MMP26: variants seen among roughly 807,000 people sequenced by gnomAD.
The protein encoded by MMP26 is matrix metalloproteinase-26.
In MMP26, 33 loss-of-function variants were observed where a neutral mutation model predicts 31.0. The observed-to-expected ratio is 1.06, with a 90% confidence interval of 0.81 to 1.42. MMP26 has a LOEUF of 1.42. MMP26 is among the 40% of genes most tolerant of loss of function. The pLI is 0.00. For missense variants in MMP26, 347 were observed against 316.1 expected (o/e 1.10, Z -0.74); for synonymous variants, 122 against 114.9 (o/e 1.06, Z -0.40).
chr11:4,950,753 TA>T lies in MMP26; in HGVS notation c.-144-37309del, dbSNP rs1369306202. Among the ~76,000 whole-genome samples the T allele has an allele frequency of 1.6e-5, 2 of 122,746 alleles. 1 individual carries two copies. Among genetic ancestry groups the T allele is most frequent in the East Asian group, 4.5e-4 (2 of 4,426 alleles). 80.5% of individuals were successfully genotyped at this position (122,746 alleles called of 152,430 possible). ...CTGCAAATGAATAAGTAAAATTCAG[TA>T]AAAAATAGGCAATGCACTTGACTTG... On this transcript the variant is annotated intron_variant, in intron 2 of 7. Transcript: ENST00000380390.
intron 2 of MMP26, among the ~76,000 whole-genome samples, chr11:4,965,365 T>C (rs1278673261): frequency 2.6e-5 from 4 of 152,198 alleles, no homozygotes; most frequent in African/African-American, 7.2e-5. Context: ...AGCAATTTGA[T>C]GAAGAGAGTT....
chr11:4,855,072 C>G (rs1031264394), intron 2 of MMP26, among the ~76,000 whole-genome samples: 1 of 152,272 alleles, frequency 6.6e-6, no homozygotes. Context: ...AGGTCACCAT[C>G]ATGAAAGACC....
chr11:4,973,721 G>T, intron 2 of MMP26: 1 of 175,884 alleles, frequency 5.7e-6, no homozygotes. Context: ...ATGCAAAGAA[G>T]GCTCTGTTTT....
intron 2 of MMP26, among the ~76,000 whole-genome samples, chr11:4,808,782 A>G (rs1212325392): frequency 6.7e-6 from 1 of 149,394 alleles, no homozygotes; most frequent in African/African-American, 2.5e-5. Context: ...TTGGTGGACA[A>G]TGGAGGAGCA....
intron 2 of MMP26, among the ~76,000 whole-genome samples, chr11:4,965,605 C>T (rs75764060): frequency 0.017 from 2,638 of 152,188 alleles, 74 homozygotes; most frequent in African/African-American, 0.06. Flanking sequence ...AGAAAGACTA[C>T]AGGGAAAAGT....
chr11:4,921,813 A>G (rs1163703442), intron 2 of MMP26, among the ~76,000 whole-genome samples: 2 of 152,300 alleles, frequency 1.3e-5, no homozygotes, highest in Middle Eastern at 3.4e-3. Flanking sequence ...ATAGATCTTT[A>G]TTAATTTTTA....
At chr11:4,914,790 T>C (rs1267510129) in intron 2 of MMP26, 2 of 1,613,774 alleles carry the variant, frequency 1.2e-6, no homozygotes, top group Non-Finnish European at 1.7e-6. Context: ...ATGGGATTCA[T>C]CACAGGAGGA....
At chr11:4,808,308 A>G (rs1291736834) in intron 2 of MMP26, among the ~76,000 whole-genome samples, 1 of 152,122 alleles carries the variant, frequency 6.6e-6, no homozygotes. Flanking sequence ...AGGTTGGGGA[A>G]AGCAGAGTTT....
chr11:4,961,222 G>A (rs139495003), intron 2 of MMP26, among the ~76,000 whole-genome samples: 289 of 152,306 alleles, frequency 1.9e-3, no homozygotes, highest in African/African-American at 6.6e-3. Context: ...TACACACAAA[G>A]TCAATTTTGT....
At chr11:4,936,689 C>A (rs10836973) in intron 2 of MMP26, among the ~76,000 whole-genome samples, 24,229 of 151,966 alleles carry the variant, frequency 0.16, 2,125 homozygotes, top group South Asian at 0.37. Flanking sequence ...GTTTAAAAAG[C>A]AATAGCCAGA....
chr11:4,816,172 A>G (rs1849417096), intron 2 of MMP26, among the ~76,000 whole-genome samples: 1 of 151,946 alleles, frequency 6.6e-6, no homozygotes, highest in African/African-American at 2.4e-5. Flanking sequence ...ATGTGTTTGT[A>G]TTTTCCACGG....
At chr11:4,716,518 G>A (rs540696286) in intron 1 of MMP26, among the ~76,000 whole-genome samples, 2 of 152,078 alleles carry the variant, frequency 1.3e-5, no homozygotes, top group South Asian at 2.1e-4. Context: ...TAAGAAGAAC[G>A]TTGTTCTTGT....
At position 4,992,144 on chromosome 11, in the gene MMP26, AGAG is replaced by A; in HGVS notation, c.757+20_757+22del. ...TTGTATGGTCTGTGCTGCTTAAGGA[AGAG>A]AAGGGAGATCTGGGCAGGAAAATTT... On this transcript the variant is annotated intron_variant, in intron 7 of 7. Transcript: ENST00000380390. 1 of 1,612,606 alleles carries A rather than the reference AGAG, an allele frequency of 6.2e-7. No homozygotes were observed. The highest frequency in any genetic ancestry group is 8.5e-7 in the Non-Finnish European group (1 of 1,179,618).
At chr11:4,971,358 G>A (rs1846663576) in intron 2 of MMP26, among the ~76,000 whole-genome samples, 1 of 152,174 alleles carries the variant, frequency 6.6e-6, no homozygotes, top group East Asian at 1.9e-4. Flanking sequence ...TGTACACAGG[G>A]TCCTAAGTGA....
In MMP26 at chr11:4,915,649, G is replaced by A. The variant is rs747876388; in HGVS notation, c.-144-72419G>A. 16 of 1,611,986 alleles carry A rather than the reference G, an allele frequency of 9.9e-6. No homozygotes were observed. The East Asian group carries it at 2.5e-4, about 25-fold the overall frequency. On this transcript the variant is annotated intron_variant, in intron 2 of 7. Coordinates refer to ENST00000380390, the MANE Select transcript of MMP26 (RefSeq NM_021801.5). Reference sequence around the variant, plus strand: ...AAACGCTGCTGCTGCTGTTTCCCAGGGATCCCAGGGTCATTGTGTGAGGAG... The same window carrying A: ...AAACGCTGCTGCTGCTGTTTCCCAGAGATCCCAGGGTCATTGTGTGAGGAG...
intron 2 of MMP26, chr11:4,803,830 T>G: frequency 6.2e-7 from 1 of 1,612,966 alleles, no homozygotes; most frequent in Non-Finnish European, 8.5e-7. Context: ...CACAGCCATG[T>G]GCTCACAGTA....
At chr11:4,896,270 C>A (rs141407352) in intron 2 of MMP26, among the ~76,000 whole-genome samples, 4 of 152,100 alleles carry the variant, frequency 2.6e-5, no homozygotes, top group Non-Finnish European at 4.4e-5. Context: ...TTTATTCTAG[C>A]GCTTTCTCTG....
In MMP26 at chr11:4,764,808, GC is replaced by G. The variant is rs1225878039; in HGVS notation, c.-216-2461del. On this transcript the variant is annotated intron_variant, in intron 1 of 7. Transcript: ENST00000380390. ...GAATGGCGTGAACCCGGGAGGTGGA[GC>G]TTGCAGTGAGCTGAGATCGCGCAGC... Among the ~76,000 whole-genome samples, 6 of 152,174 alleles carry G rather than the reference GC, an allele frequency of 3.9e-5. No homozygotes were observed. The East Asian group carries it at 1.2e-3, about 29-fold the overall frequency.
chr11:4,924,050 G>A lies in MMP26; in HGVS notation c.-144-64018G>A, dbSNP rs752425515. 8 of 1,614,034 alleles carry A rather than the reference G, an allele frequency of 5.0e-6. No homozygotes were observed. In the East Asian group the frequency reaches 8.9e-5, roughly 18 times the overall value. Reference sequence around the variant, plus strand: ...GAAGAAGAGCTGAGTGAAACAGGCAGGGATGCCAATCTCTCTGGTATCAAA... The same window carrying A: ...GAAGAAGAGCTGAGTGAAACAGGCAAGGATGCCAATCTCTCTGGTATCAAA... On this transcript the variant is annotated intron_variant, in intron 2 of 7. Coordinates refer to ENST00000380390, the MANE Select transcript of MMP26 (RefSeq NM_021801.5).
Sources: allele counts gnomAD v4.1 joint callset (sites outside exome capture counted in the v4.1 genomes callset), GRCh38; gene constraint gnomAD v4.1.1; transcripts MANE v1.5; gene names NCBI Gene and HGNC (gene_info 2026-07-23, HGNC 2026-07-21).